The following ADAMTS2 variants were observed in gnomAD, a reference collection of about 807,000 sequenced individuals.
The protein encoded by ADAMTS2 is A disintegrin and metalloproteinase with thrombospondin motifs 2.
A neutral mutation model predicts 123.0 loss-of-function variants in ADAMTS2; 50 were observed. That is an observed-to-expected ratio of 0.41 (90% confidence interval 0.32 to 0.51). ADAMTS2 has a LOEUF of 0.51. Among genes scored for constraint, ADAMTS2 ranks in the 20% least tolerant of loss-of-function variants. The probability of loss-of-function intolerance (pLI) is 0.35; values close to 1 mark genes in which losing one functional copy is unlikely to be tolerated. For missense variants in ADAMTS2, 1,494 were observed against 1,705.2 expected (o/e 0.88, Z 2.18); for synonymous variants, 678 against 695.4 (o/e 0.98, Z 0.39).
At chr5:179,290,262 T>C (rs995509584) in intron 2 of ADAMTS2, among the ~76,000 whole-genome samples, 1 of 152,076 alleles carries the variant, frequency 6.6e-6, no homozygotes, top group Non-Finnish European at 1.5e-5. Flanking sequence ...TGGGTTGTTA[T>C]AAAAGCAGGA....
At chr5:179,182,957 G>C (rs750812536) in intron 4 of ADAMTS2, among the ~76,000 whole-genome samples, 1 of 152,132 alleles carries the variant, frequency 6.6e-6, no homozygotes. Flanking sequence ...TTTGGTCATC[G>C]CCCTCCGTTT....
intron 5 of ADAMTS2, among the ~76,000 whole-genome samples, chr5:179,159,868 C>G (rs977543013): frequency 5.9e-5 from 9 of 152,304 alleles, no homozygotes; most frequent in Admixed American, 5.2e-4. Context: ...AAGACATACA[C>G]AATATCATTT....
intron 3 of ADAMTS2, among the ~76,000 whole-genome samples, chr5:179,227,716 C>G (rs1240725833): frequency 6.6e-6 from 1 of 152,098 alleles, no homozygotes; most frequent in Non-Finnish European, 1.5e-5. Flanking sequence ...GACCACGGCC[C>G]ACAGGACCAG....
Position 179,161,604 on chromosome 5 carries a change from G to A in ADAMTS2, c.976-2725C>T, listed in dbSNP as rs184831881. Among the ~76,000 whole-genome samples, 8 of 152,296 alleles carry A rather than the reference G, an allele frequency of 5.3e-5. No homozygotes were observed. The South Asian group carries it at 1.0e-3, about 20-fold the overall frequency. ...AGTGCGGCAAGATGGGGGAATAAGC[G>A]TTAGTGCCCTATAGTGCCGGAAAGC... On this transcript the variant is annotated intron_variant, in intron 5 of 21. Transcript: ENST00000251582.
chr5:179,344,977 C>T (rs1002984031), intron 1 of ADAMTS2, among the ~76,000 whole-genome samples: 1 of 152,110 alleles, frequency 6.6e-6, no homozygotes, highest in Non-Finnish European at 1.5e-5. Context: ...CGCCAGTGCT[C>T]CGAGGCTCCC....
intron 4 of ADAMTS2, among the ~76,000 whole-genome samples, chr5:179,204,070 T>C (rs1173068602): frequency 2.0e-5 from 3 of 152,218 alleles, no homozygotes; most frequent in Admixed American, 1.3e-4. Context: ...GAGGATGTCA[T>C]GCTAAGTGAA....
At chr5:179,343,444 A>G (rs545803563) in intron 2 of ADAMTS2, among the ~76,000 whole-genome samples, 49 of 152,354 alleles carry the variant, frequency 3.2e-4, no homozygotes, top group African/African-American at 1.1e-3. Context: ...ACAAAGGTAC[A>G]CACACATACA....
At chr5:179,258,334 C>T (rs956584458) in intron 3 of ADAMTS2, among the ~76,000 whole-genome samples, 3 of 152,132 alleles carry the variant, frequency 2.0e-5, no homozygotes, top group Admixed American at 6.5e-5. Context: ...AGCTCCTCCC[C>T]GCAGCCCACC....
chr5:179,259,517 C>T (rs887759674), intron 3 of ADAMTS2, among the ~76,000 whole-genome samples: 1 of 152,168 alleles, frequency 6.6e-6, no homozygotes, highest in African/African-American at 2.4e-5. Flanking sequence ...CAGAGACAAC[C>T]GCGCAGGGAA....
chr5:179,187,565 T>C (rs1030944757), intron 4 of ADAMTS2, among the ~76,000 whole-genome samples: 1 of 152,132 alleles, frequency 6.6e-6, no homozygotes. Context: ...ACCCCTCTCA[T>C]GGGGAGGCCC....
At position 179,158,493 on chromosome 5, in the gene ADAMTS2, A is replaced by G. The variant is rs144901799; in HGVS notation, c.1132+230T>C. Among the ~76,000 whole-genome samples the G allele has an allele frequency of 9.9e-4, 150 of 152,284 alleles. 1 individual carries two copies. The highest frequency in any genetic ancestry group is 3.5e-3 in the African/African-American group (144 of 41,562). On this transcript the variant is annotated intron_variant, in intron 6 of 21. Transcript: ENST00000251582. The surrounding 1 kb of genome is among the most constrained non-coding windows in gnomAD (Gnocchi z 5.0). ...TTCTCTGAAATGTCACTTTTGTGAC[A>G]CATTAGCGTCCCTATACACATAGGT...
At chr5:179,134,901 C>T (rs1368197089) in intron 13 of ADAMTS2, among the ~76,000 whole-genome samples, 1 of 100,664 alleles carries the variant, frequency 9.9e-6, no homozygotes, top group South Asian at 3.7e-4. Context: ...CCCCAGCTCC[C>T]GGCTCCAGCC....
At chr5:179,299,700 A>G (rs1756457879) in intron 2 of ADAMTS2, among the ~76,000 whole-genome samples, 1 of 151,834 alleles carries the variant, frequency 6.6e-6, no homozygotes, top group Non-Finnish European at 1.5e-5. Flanking sequence ...TTTAGAGGCT[A>G]CCCACATTCC....
intron 2 of ADAMTS2, among the ~76,000 whole-genome samples, chr5:179,321,291 CT>C (rs1237518746): frequency 6.6e-6 from 1 of 152,180 alleles, no homozygotes; most frequent in Admixed American, 6.5e-5. Flanking sequence ...GCACTCACAT[CT>C]AAGACTGCAC....
chr5:179,136,280 G>A (rs1763065649), intron 12 of ADAMTS2, among the ~76,000 whole-genome samples: 1 of 152,198 alleles, frequency 6.6e-6, no homozygotes, highest in African/African-American at 2.4e-5. Context: ...AAGCCAGCCA[G>A]GCTGTTGGTG....
At chr5:179,278,192 C>A (rs930034445) in intron 2 of ADAMTS2, among the ~76,000 whole-genome samples, 4 of 143,106 alleles carry the variant, frequency 2.8e-5, no homozygotes, top group African/African-American at 1.0e-4. Context: ...GCTGACCCCC[C>A]CAAGACCATC....
intron 5 of ADAMTS2, among the ~76,000 whole-genome samples, chr5:179,168,688 G>C (rs1763759297): frequency 6.6e-6 from 1 of 152,140 alleles, no homozygotes; most frequent in Non-Finnish European, 1.5e-5. Flanking sequence ...GCTCACCAAA[G>C]GTCCCACGAG....
chr5:179,200,503 C>T (rs995343501), intron 4 of ADAMTS2, among the ~76,000 whole-genome samples: 2 of 152,098 alleles, frequency 1.3e-5, no homozygotes, highest in Admixed American at 1.3e-4. Flanking sequence ...CCCGCCTTGG[C>T]CTCCCAAAGT....
chr5:179,277,345 C>T lies in ADAMTS2; in HGVS notation c.535-4281G>A, dbSNP rs552559817. On this transcript the variant is annotated intron_variant, in intron 2 of 21. Coordinates refer to ENST00000251582, the MANE Select transcript of ADAMTS2 (RefSeq NM_014244.5). ...CACCCCGAGACCAAAGGCTGACCCC[C>T]CTGAGACCAAAGGCTGACACCCCCC... 1.5e-3 allele frequency among the ~76,000 whole-genome samples: 58 copies of T among 37,618 alleles called. 5 individuals carry two copies. The highest frequency in any genetic ancestry group is 0.012 in the African/African-American group (56 of 4,822). The allele number at this position is 37,618 out of a possible 152,430, so 24.7% of individuals were successfully genotyped here. A position where few individuals can be genotyped will look rare whatever the true frequency, so the allele number is the denominator to read the frequency against.
Sources: gnomAD v4.1 joint callset for allele counts (sites outside exome capture counted in the v4.1 genomes callset) on GRCh38, gnomAD v4.1.1 for gene constraint, Gnocchi (gnomAD v3.1) non-coding constraint, MANE v1.5 for transcripts, NCBI Gene and HGNC (gene_info 2026-07-23, HGNC 2026-07-21) for gene names.